Variants in HCRTR2 observed in about 807,000 individuals in gnomAD.
The protein encoded by HCRTR2 is hypocretin receptor 2.
HCRTR2 carries 22 observed loss-of-function variants against 49.0 expected under a neutral mutation model. The observed-to-expected ratio is 0.45, with a 90% confidence interval of 0.32 to 0.64. The LOEUF is 0.64. Among genes scored for constraint, HCRTR2 ranks in the 30% least tolerant of loss-of-function variants. The pLI is 0.04. For synonymous variants in HCRTR2, 236 were observed against 205.3 expected (o/e 1.15, Z -1.28); for missense variants, 491 against 559.4 (o/e 0.88, Z 1.23).
chr6:55,212,780 G>C (rs748068944), intron 1 of HCRTR2, among the ~76,000 whole-genome samples: 3 of 152,132 alleles, frequency 2.0e-5, no homozygotes, highest in Non-Finnish European at 2.9e-5. Flanking sequence ...GGTTTAAGCT[G>C]TTCTTTGTAA....
chr6:55,212,348 T>C (rs1185650084), intron 1 of HCRTR2, among the ~76,000 whole-genome samples: 5 of 152,170 alleles, frequency 3.3e-5, no homozygotes, highest in Non-Finnish European at 7.3e-5. Context: ...ATCCCAACTT[T>C]GTTCAAGTAG....
intron 2 of HCRTR2, among the ~76,000 whole-genome samples, chr6:55,249,046 A>G (rs1391088898): frequency 1.3e-5 from 2 of 152,158 alleles, no homozygotes; most frequent in African/African-American, 4.8e-5. Context: ...ATTTTTGCAC[A>G]ACTTTTTTGA....
intron 4 of HCRTR2, among the ~76,000 whole-genome samples, chr6:55,275,347 C>A (rs1279739815): frequency 6.6e-6 from 1 of 152,036 alleles, no homozygotes; most frequent in Non-Finnish European, 1.5e-5. Flanking sequence ...CAATAATGTA[C>A]TTTTAGGGAT....
chr6:55,257,564 C>T (rs1389596248), intron 3 of HCRTR2, among the ~76,000 whole-genome samples: 3 of 151,040 alleles, frequency 2.0e-5, no homozygotes, highest in African/African-American at 4.8e-5. Context: ...CAGTAACCTC[C>T]ATTAACAAAA....
intron 1 of HCRTR2, among the ~76,000 whole-genome samples, chr6:55,247,007 C>G (rs535460151): frequency 1.3e-5 from 2 of 152,094 alleles, no homozygotes; most frequent in Admixed American, 1.3e-4. Context: ...AAGAGTCCTG[C>G]GCATTTTCCT....
At chr6:55,205,521 T>G (rs1161033010) in intron 1 of HCRTR2, among the ~76,000 whole-genome samples, 1 of 152,100 alleles carries the variant, frequency 6.6e-6, no homozygotes, top group Non-Finnish European at 1.5e-5. Context: ...AAGAAAGTGC[T>G]TTTAGTGTAG....
At chr6:55,156,692 A>T (rs10948889) in intron 1 of HCRTR2, among the ~76,000 whole-genome samples, 25,331 of 152,040 alleles carry the variant, frequency 0.17, 2,293 homozygotes, top group East Asian at 0.28. Flanking sequence ...ATTTTAAAGG[A>T]CTATACACCA....
chr6:55,275,658 A>T (rs1581872969), intron 4 of HCRTR2, among the ~76,000 whole-genome samples: 1 of 131,086 alleles, frequency 7.6e-6, no homozygotes, highest in African/African-American at 3.0e-5. Flanking sequence ...CCCAGGCTGG[A>T]GTGTAATTGT....
intron 1 of HCRTR2, among the ~76,000 whole-genome samples, chr6:55,140,990 T>C (rs1335677668): frequency 1.3e-5 from 2 of 152,118 alleles, no homozygotes; most frequent in African/African-American, 4.8e-5. Context: ...TGCTTATTTA[T>C]TCAACAAATA....
chr6:55,144,169 A>G lies in HCRTR2; in HGVS notation c.-377-30042A>G, dbSNP rs549666262. Reference sequence around the variant, plus strand: ...CTGTTGTTGCCCAGGCTGGAGTCCAATGGCGCGATCTCGGCGCACCGCAAC... The same window carrying G: ...CTGTTGTTGCCCAGGCTGGAGTCCAGTGGCGCGATCTCGGCGCACCGCAAC... On this transcript the variant is annotated intron_variant, in intron 1 of 7. Coordinates refer to the HCRTR2 transcript ENST00000615358. 3.6e-5 allele frequency among the ~76,000 whole-genome samples: 5 copies of G among 139,078 alleles called. No individual in the cohort carries two copies. In the Admixed American group the frequency reaches 3.8e-4, roughly 11 times the overall value. 91.2% of individuals were successfully genotyped at this position (139,078 alleles called of 152,430 possible).
intron 1 of HCRTR2, among the ~76,000 whole-genome samples, chr6:55,142,119 A>T (rs1396695279): frequency 1.3e-5 from 2 of 152,212 alleles, no homozygotes; most frequent in South Asian, 2.1e-4. Context: ...AAAACAACTT[A>T]TTGAAGAGAA....
chr6:55,182,200 C>G (rs1285248887), intron 1 of HCRTR2, among the ~76,000 whole-genome samples: 1 of 152,212 alleles, frequency 6.6e-6, no homozygotes, highest in Non-Finnish European at 1.5e-5. Flanking sequence ...CTGTGGTAAT[C>G]AGTTTCCAAT....
chr6:55,159,502 C>T (rs1341935969), intron 1 of HCRTR2, among the ~76,000 whole-genome samples: 1 of 152,100 alleles, frequency 6.6e-6, no homozygotes, highest in Non-Finnish European at 1.5e-5. Flanking sequence ...GATGAATTGA[C>T]AGAAGTAGGC....
chr6:55,149,075 G>T (rs1764630512), intron 1 of HCRTR2, among the ~76,000 whole-genome samples: 1 of 151,930 alleles, frequency 6.6e-6, no homozygotes, highest in Non-Finnish European at 1.5e-5. Context: ...TGATTAGTGT[G>T]AACATAGCCA....
chr6:55,126,577 C>T (rs1764281301), intron 1 of HCRTR2, among the ~76,000 whole-genome samples: 1 of 152,144 alleles, frequency 6.6e-6, no homozygotes, highest in Non-Finnish European at 1.5e-5. Context: ...GGGTTAAGGA[C>T]CCAGTTGAGG....
At chr6:55,151,751 A>C (rs1764667516) in intron 1 of HCRTR2, among the ~76,000 whole-genome samples, 1 of 151,928 alleles carries the variant, frequency 6.6e-6, no homozygotes, top group Admixed American at 6.6e-5. Context: ...CATCAGGGAA[A>C]TCACTATCTA....
chr6:55,163,778 G>T (rs1430867515), intron 1 of HCRTR2, among the ~76,000 whole-genome samples: 1 of 152,084 alleles, frequency 6.6e-6, no homozygotes, highest in Admixed American at 6.6e-5. Context: ...TTGACAAATG[G>T]GATCTAATTA....
At chr6:55,244,896 C>A (rs1316509657) in intron 1 of HCRTR2, among the ~76,000 whole-genome samples, 1 of 151,962 alleles carries the variant, frequency 6.6e-6, no homozygotes. Flanking sequence ...CCAATTTTCC[C>A]AGCACCATTT....
chr6:55,267,085 G>T (rs886415602), intron 4 of HCRTR2, among the ~76,000 whole-genome samples: 1 of 152,074 alleles, frequency 6.6e-6, no homozygotes, highest in East Asian at 1.9e-4. Flanking sequence ...ACAATAAAGT[G>T]AATTAACCCC....
Sources: gnomAD v4.1 joint callset for allele counts (sites outside exome capture counted in the v4.1 genomes callset) on GRCh38, gnomAD v4.1.1 for gene constraint, MANE v1.5 for transcripts, NCBI Gene and HGNC (gene_info 2026-07-23, HGNC 2026-07-21) for gene names.